Variants in RBFOX1 observed in about 807,000 individuals in gnomAD.
The protein encoded by RBFOX1 is RNA binding protein fox-1 homolog 1.
Under a neutral mutation model 57.7 loss-of-function variants are expected in RBFOX1, and 8 were observed. The observed-to-expected ratio is 0.14, with a 90% confidence interval of 0.08 to 0.25. The LOEUF (loss-of-function observed/expected upper bound fraction) is 0.25. Ranked by LOEUF, RBFOX1 falls within the 10% of genes least tolerant of loss-of-function variation. The probability of loss-of-function intolerance (pLI) is 1.00; values close to 1 mark genes in which losing one functional copy is unlikely to be tolerated. For missense variants in RBFOX1, 611 were observed against 548.5 expected (o/e 1.11, Z -1.14); for synonymous variants, 326 against 222.4 (o/e 1.47, Z -4.15).
intron 1 of RBFOX1, among the ~76,000 whole-genome samples, chr16:6,072,334 A>G (rs779818745): frequency 2.6e-5 from 4 of 152,110 alleles, no homozygotes; most frequent in Non-Finnish European, 4.4e-5. Context: ...CAGCCAAACC[A>G]TATCACTGTT....
At chr16:5,386,452 A>G (rs2066259673) in intron 1 of RBFOX1, among the ~76,000 whole-genome samples, 1 of 152,162 alleles carries the variant, frequency 6.6e-6, no homozygotes, top group Non-Finnish European at 1.5e-5. Context: ...GTGCTCCAGC[A>G]TAGAAGCCAA....
chr16:5,391,455 C>G (rs1480422356), intron 1 of RBFOX1, among the ~76,000 whole-genome samples: 2 of 152,202 alleles, frequency 1.3e-5, no homozygotes, highest in Non-Finnish European at 2.9e-5. Context: ...TCACACTCCA[C>G]ATGTAAGGTC....
At chr16:5,875,877 T>C (rs1163630815) in intron 4 of RBFOX1, among the ~76,000 whole-genome samples, 1 of 151,286 alleles carries the variant, frequency 6.6e-6, no homozygotes, top group African/African-American at 2.4e-5. Context: ...GGAGTCTTGC[T>C]TTGTCTCCCA....
intron 1 of RBFOX1, among the ~76,000 whole-genome samples, chr16:6,176,956 C>G (rs2097015942): frequency 6.6e-6 from 1 of 152,150 alleles, no homozygotes; most frequent in Admixed American, 6.5e-5. Flanking sequence ...GTGGTTCAAC[C>G]TGTCTTGGTT....
At chr16:6,338,884 G>T (rs1833156) in intron 2 of RBFOX1, among the ~76,000 whole-genome samples, 15,725 of 152,072 alleles carry the variant, frequency 0.1, 1,016 homozygotes, top group South Asian at 0.19. Flanking sequence ...TTTCTTCATT[G>T]AATGAATTAG....
At chr16:7,162,584 A>C (rs1053079944) in intron 4 of RBFOX1, among the ~76,000 whole-genome samples, 2 of 151,192 alleles carry the variant, frequency 1.3e-5, no homozygotes, top group Non-Finnish European at 2.9e-5. Context: ...AAAAAAAAAA[A>C]AACATTGCCA....
chr16:6,252,754 A>T (rs2097628424), intron 1 of RBFOX1, among the ~76,000 whole-genome samples: 1 of 152,208 alleles, frequency 6.6e-6, no homozygotes, highest in African/African-American at 2.4e-5. Context: ...ATGGAGCAGC[A>T]GATGAGGTAG....
intron 3 of RBFOX1, among the ~76,000 whole-genome samples, chr16:7,033,033 TAG>T (rs1456276734): frequency 1.3e-5 from 2 of 152,132 alleles, no homozygotes; most frequent in Admixed American, 6.6e-5. Flanking sequence ...ACCTACTGTG[TAG>T]AGACTGTCCA....
intron 4 of RBFOX1, among the ~76,000 whole-genome samples, chr16:7,145,612 T>C (rs2074800637): frequency 6.6e-6 from 1 of 152,202 alleles, no homozygotes; most frequent in African/African-American, 2.4e-5. Flanking sequence ...CTCTCGGTTA[T>C]GTTAGTGGGG....
intron 2 of RBFOX1, among the ~76,000 whole-genome samples, chr16:6,579,401 T>G (rs2097499808): frequency 1.3e-5 from 2 of 152,030 alleles, no homozygotes; most frequent in South Asian, 2.1e-4. Flanking sequence ...CACCCAAATC[T>G]CATCTTGAAT....
chr16:7,527,264 C>T (rs1282178098), intron 5 of RBFOX1, among the ~76,000 whole-genome samples: 1 of 152,152 alleles, frequency 6.6e-6, no homozygotes, highest in Non-Finnish European at 1.5e-5. Context: ...GTATTCTCTG[C>T]AATACATGGC....
chr16:6,308,566 G>C (rs1355951873), intron 1 of RBFOX1, among the ~76,000 whole-genome samples: 1 of 152,166 alleles, frequency 6.6e-6, no homozygotes, highest in African/African-American at 2.4e-5. Context: ...GCTCTGAGTA[G>C]TTCTTACCTG....
intron 1 of RBFOX1, among the ~76,000 whole-genome samples, chr16:5,304,894 G>A (rs558446598): frequency 9.2e-5 from 14 of 152,194 alleles, no homozygotes; most frequent in African/African-American, 3.4e-4. Context: ...TATTCCCTGC[G>A]AATTTGAACC....
At chr16:7,047,737 T>G (rs868254405) in intron 3 of RBFOX1, among the ~76,000 whole-genome samples, 2,517 of 138,754 alleles carry the variant, frequency 0.018, 179 homozygotes, top group African/African-American at 0.064. Context: ...TTTTTTTTTT[T>G]TTTTTTTTGT....
chr16:6,617,862 G>T (rs2098166283), intron 2 of RBFOX1, among the ~76,000 whole-genome samples: 1 of 152,130 alleles, frequency 6.6e-6, no homozygotes, highest in Non-Finnish European at 1.5e-5. Flanking sequence ...GTTTCAATAA[G>T]GATGGAAAGT....
chr16:7,450,075 A>G (rs954100983), intron 4 of RBFOX1, among the ~76,000 whole-genome samples: 1 of 152,080 alleles, frequency 6.6e-6, no homozygotes, highest in African/African-American at 2.4e-5. Context: ...GAAAGAAAAG[A>G]AGGAACTCAA....
At chr16:6,804,005 C>T (rs778703395) in intron 3 of RBFOX1, among the ~76,000 whole-genome samples, 2 of 151,280 alleles carry the variant, frequency 1.3e-5, no homozygotes, top group African/African-American at 4.9e-5. Context: ...ACATAAAACT[C>T]ATACAATTTT....
chr16:6,576,466 C>G (rs997846893), intron 2 of RBFOX1, among the ~76,000 whole-genome samples: 1 of 152,152 alleles, frequency 6.6e-6, no homozygotes, highest in African/African-American at 2.4e-5. Context: ...TAATATTATT[C>G]GAAGACCTGC....
chr16:6,222,684 T>TATTA (rs71404602), intron 1 of RBFOX1, among the ~76,000 whole-genome samples: 1 of 141,302 alleles, frequency 7.1e-6, no homozygotes, highest in African/African-American at 2.6e-5. Context: ...TTTCTTTTCT[T>TATTA]TTATTATTAT....
Sources: allele counts gnomAD v4.1 joint callset (sites outside exome capture counted in the v4.1 genomes callset), GRCh38; gene constraint gnomAD v4.1.1; transcripts MANE v1.5; gene names NCBI Gene and HGNC (gene_info 2026-07-23, HGNC 2026-07-21).